The following STKLD1 variants were observed in gnomAD, a reference collection of about 807,000 sequenced individuals.
The protein encoded by STKLD1 is serine/threonine kinase-like domain-containing protein STKLD1.
STKLD1 carries 79 observed loss-of-function variants against 80.4 expected under a neutral mutation model. That is an observed-to-expected ratio of 0.98 (90% confidence interval 0.82 to 1.19). STKLD1 has a LOEUF of 1.19. Among genes scored for constraint, STKLD1 ranks in the 50% most tolerant of loss-of-function variants. The pLI, the probability that STKLD1 is intolerant of heterozygous loss-of-function variation, is 0.00. For missense variants in STKLD1, 841 were observed against 856.0 expected, an observed-to-expected ratio of 0.98 and a Z score of 0.22; for synonymous variants, 393 against 357.6, an observed-to-expected ratio of 1.10 and a Z score of -1.12.
intron 11 of STKLD1, among the ~76,000 whole-genome samples, chr9:133,398,642 G>A (rs1015903406): frequency 1.3e-5 from 2 of 152,054 alleles, no homozygotes; most frequent in African/African-American, 2.4e-5. Context: ...AGCCAGGTGT[G>A]GTGACACATG....
chr9:133,392,186 C>T (rs1838415348), intron 7 of STKLD1, among the ~76,000 whole-genome samples: 1 of 151,810 alleles, frequency 6.6e-6, no homozygotes, highest in Non-Finnish European at 1.5e-5. Context: ...ACGCCATTCT[C>T]CTGCCTCAGC....
At chr9:133,400,341 G>A (rs1034408655) in intron 11 of STKLD1, 72 bp from the exon 12 acceptor site, 92 of 1,125,546 alleles carry the variant, frequency 8.2e-5, no homozygotes, top group Non-Finnish European at 1.2e-4. Flanking sequence ...CAGCCTCTGG[G>A]GGCCCTGGTC....
chr9:133,404,949 TCA>T lies in STKLD1; in HGVS notation c.1873+24_1873+25del. 5 of 1,611,886 alleles carry T rather than the reference TCA, an allele frequency of 3.1e-6. No homozygotes were observed. Among genetic ancestry groups the T allele is most frequent in the Non-Finnish European group, 4.2e-6 (5 of 1,179,366 alleles). On this transcript the variant is annotated intron_variant, in intron 17 of 17. Transcript: ENST00000371957. ...CCTATGGTGAGAACCCCTTCTCACCTCACACTCCCTAGAGCCCAGCGGTCAGG... is the reference window on the plus strand; with the variant it reads ...CCTATGGTGAGAACCCCTTCTCACCTCACTCCCTAGAGCCCAGCGGTCAGG...
At chr9:133,388,466 C>T (rs181198229) in intron 5 of STKLD1, among the ~76,000 whole-genome samples, 6 of 152,200 alleles carry the variant, frequency 3.9e-5, no homozygotes, top group Non-Finnish European at 5.9e-5. Flanking sequence ...AGGCTGGTCT[C>T]GAACTCCTGA....
chr9:133,387,776 C>G, intron 5 of STKLD1: 2 of 649,286 alleles, frequency 3.1e-6, no homozygotes, highest in Non-Finnish European at 5.7e-6. Context: ...GAAGGCGTTC[C>G]TAACACTAGA....
chr9:133,396,485 G>T (rs1281106636), intron 9 of STKLD1, among the ~76,000 whole-genome samples: 1 of 152,046 alleles, frequency 6.6e-6, no homozygotes, highest in Non-Finnish European at 1.5e-5. Context: ...CGGACACGGT[G>T]GTTCACACCT....
chr9:133,390,631 G>A lies in STKLD1; in HGVS notation c.468-50G>A. The A allele has an allele frequency of 7.0e-7, 1 of 1,436,550 alleles. No individual in the cohort carries two copies. 89.0% of individuals were successfully genotyped at this position (1,436,550 alleles called of 1,614,324 possible). A position where few individuals can be genotyped will look rare whatever the true frequency, so the allele number is the denominator to read the frequency against. On this transcript the variant is annotated intron_variant, in intron 6 of 17. Coordinates refer to ENST00000371957, the MANE Select transcript of STKLD1 (RefSeq NM_153710.5). This position sits in a 1 kb window ranked among gnomAD's most constrained non-coding sequence, Gnocchi z 5.1. ...CCACCTGGGGTTGTGGGTGGTGGCT[G>A]CCCAGGTGGCCCCTTGGCATCCAGA... is the stretch of plus-strand genomic sequence containing the variant.
intron 16 of STKLD1, 76 bp from the exon 17 acceptor site, chr9:133,404,713 C>T: frequency 6.5e-7 from 1 of 1,548,870 alleles, no homozygotes; most frequent in Non-Finnish European, 8.6e-7. Context: ...CTCTGGGGTC[C>T]CATCCCGTCC....
chr9:133,401,716 CG>C (rs1838711107), intron 12 of STKLD1, 21 bp from the exon 13 acceptor site: 4 of 1,605,330 alleles, frequency 2.5e-6, no homozygotes, highest in Admixed American at 1.7e-5. Flanking sequence ...TAACCCCAGG[CG>C]TCTTCCTCTG....
Position 133,390,201 on chromosome 9 carries a change from ACAC to A in STKLD1, c.468-479_468-477del, listed in dbSNP as rs1838355333. Among the ~76,000 whole-genome samples the A allele has an allele frequency of 5.6e-4, 2 of 3,596 alleles. No individual in the cohort carries two copies. Among genetic ancestry groups the A allele is most frequent in the Non-Finnish European group, 2.9e-3 (2 of 688 alleles). 2.4% of individuals were successfully genotyped at this position (3,596 alleles called of 152,430 possible). A position where few individuals can be genotyped will look rare whatever the true frequency, so the allele number is the denominator to read the frequency against. On this transcript the variant is annotated intron_variant, in intron 6 of 17. Transcript: ENST00000371957. This position sits in a 1 kb window ranked among gnomAD's most constrained non-coding sequence, Gnocchi z 5.1. ...TGGGCAACCCTGACTTAAAACACAC[ACAC>A]ACACACACACACACACACACACACA...
chr9:133,382,324 A>T (rs2130268193), intron 2 of STKLD1, among the ~76,000 whole-genome samples: 42 of 152,374 alleles, frequency 2.8e-4, no homozygotes, highest in African/African-American at 9.9e-4. Flanking sequence ...TTATCTTTGC[A>T]AAAGGAGCAA....
intron 7 of STKLD1, among the ~76,000 whole-genome samples, chr9:133,393,151 ATGAG>A (rs1325137252): frequency 2.9e-5 from 3 of 103,950 alleles, no homozygotes; most frequent in Non-Finnish European, 2.0e-5. Context: ...GAATGAGTGA[ATGAG>A]TGGGTAGGTG....
Position 133,389,197 on chromosome 9 carries a change from C to T in STKLD1, c.397-329C>T, listed in dbSNP as rs1349391972. The T allele has an allele frequency of 7.1e-6, 7 of 985,432 alleles. No homozygotes were observed. Among genetic ancestry groups the T allele is most frequent in the Non-Finnish European group, 8.4e-6 (7 of 829,922 alleles). 61.0% of individuals were successfully genotyped at this position (985,432 alleles called of 1,614,324 possible). A position where few individuals can be genotyped will look rare whatever the true frequency, so the allele number is the denominator to read the frequency against. On this transcript the variant is annotated intron_variant, in intron 5 of 17. Coordinates refer to ENST00000371957, the MANE Select transcript of STKLD1 (RefSeq NM_153710.5). This position sits in a 1 kb window ranked among gnomAD's most constrained non-coding sequence, Gnocchi z 6.4. ...CCTCTCCCATACCCGCAAGGCCGAT[C>T]TGCCTTCAGCTCCCAGCAAGTGTGG...
rs782614642 is a variant in STKLD1, at chr9:133,404,916, C to T, written c.1860C>T (p.His620=). Residue 620 remains histidine (H), a synonymous_variant, in exon 17 of 18, where the codon CAC becomes CAT. Transcript: ENST00000371957. ...AGAACGTGGGCATGCTGCTGGTCCA[C>T]CTGGCTTCCTATGGTGAGAACCCCT... is the stretch of plus-strand genomic sequence containing the variant. ...VVENVGMLLV[H]LASYEEILPE... is the part of the protein sequence containing the mutation. 1.2e-6 allele frequency: 2 copies of T among 1,613,360 alleles called. No homozygotes were observed. The highest frequency in any genetic ancestry group is 1.7e-5 in the Admixed American group (1 of 59,982).
At chr9:133,404,662 C>T in intron 16 of STKLD1, 127 bp from the exon 17 acceptor site, 2 of 1,369,404 alleles carry the variant, frequency 1.5e-6, no homozygotes, top group South Asian at 2.8e-5. Context: ...ATGGGGCCTC[C>T]TGGGTCCCGT....
intron 9 of STKLD1, 123 bp downstream of exon 9, chr9:133,395,886 AT>A (rs1838548722): frequency 2.0e-6 from 2 of 1,004,768 alleles, no homozygotes; most frequent in Non-Finnish European, 2.9e-6. Flanking sequence ...AGATGCCCTG[AT>A]TATCCCTGCA....
In STKLD1 at chr9:133,384,166, C is replaced by T. The variant is rs1004188236; in HGVS notation, c.219+266C>T. 17 of 418,126 alleles carry T rather than the reference C, an allele frequency of 4.1e-5. No individual in the cohort carries two copies. The highest frequency in any genetic ancestry group is 5.7e-5 in the Non-Finnish European group (13 of 228,628). 25.9% of individuals were successfully genotyped at this position (418,126 alleles called of 1,614,324 possible). ...TAAAATTTAAATATTGGGCTGGGCACGGTGGCTCACATTTGTAATCCCACC... is the reference window on the plus strand; with the variant it reads ...TAAAATTTAAATATTGGGCTGGGCATGGTGGCTCACATTTGTAATCCCACC... On this transcript the variant is annotated intron_variant, in intron 3 of 17. Coordinates refer to ENST00000371957, the MANE Select transcript of STKLD1 (RefSeq NM_153710.5). The surrounding 1 kb of genome is among the most constrained non-coding windows in gnomAD (Gnocchi z 4.3).
chr9:133,389,638 C>T lies in STKLD1; in HGVS notation c.467+42C>T, dbSNP rs199796627. 3.7e-6 allele frequency: 6 copies of T among 1,610,784 alleles called. No homozygotes were observed. The highest frequency in any genetic ancestry group is 2.2e-5 in the East Asian group (1 of 44,822). ...ACCTCTGCGGACTGGCTGGCTGCTT[C>T]GGGAGAAAAGGCACTGAGGCCACTC... On this transcript the variant is annotated intron_variant, in intron 6 of 17. Coordinates refer to ENST00000371957, the MANE Select transcript of STKLD1 (RefSeq NM_153710.5). This position sits in a 1 kb window ranked among gnomAD's most constrained non-coding sequence, Gnocchi z 6.4.
At chr9:133,400,615 G>A in intron 12 of STKLD1, 86 bp downstream of exon 12, 1 of 1,123,478 alleles carries the variant, frequency 8.9e-7, no homozygotes, top group Non-Finnish European at 1.3e-6. Flanking sequence ...GTGGGCACCG[G>A]GCCGGGTGGG....
Sources: allele counts gnomAD v4.1 joint callset (sites outside exome capture counted in the v4.1 genomes callset), GRCh38; gene constraint gnomAD v4.1.1; non-coding constraint Gnocchi (gnomAD v3.1); transcripts MANE v1.5; gene names NCBI Gene and HGNC (gene_info 2026-07-23, HGNC 2026-07-21).